Variants in WDR62 observed in about 807,000 individuals in gnomAD.
The protein encoded by WDR62 is WD repeat domain 62, also known as WD repeat-containing protein 62.
WDR62 carries 112 observed loss-of-function variants against 160.6 expected under a neutral mutation model. The observed-to-expected ratio is 0.70, with a 90% CI of 0.60 to 0.82. The LOEUF (loss-of-function observed/expected upper bound fraction) is 0.82, where lower values mean the gene tolerates loss of function less well. Ranked by LOEUF, WDR62 falls within the 40% of genes least tolerant of loss-of-function variation. WDR62 has a pLI of 0.00. For missense variants in WDR62, 1,819 were observed against 1,983.8 expected (o/e 0.92, Z 1.58); for synonymous variants, 792 against 815.1 (o/e 0.97, Z 0.48).
chr19:36,068,907 G>A (rs1300984007), intron 7 of WDR62, among the ~76,000 whole-genome samples: 1 of 152,118 alleles, frequency 6.6e-6, no homozygotes, highest in Admixed American at 6.5e-5. Flanking sequence ...GGGCAGAGGG[G>A]CTCCTCACTT....
chr19:36,062,949 G>C (rs1457143145), intron 3 of WDR62, among the ~76,000 whole-genome samples: 2 of 147,178 alleles, frequency 1.4e-5, no homozygotes, highest in African/African-American at 5.2e-5. Context: ...TCAGGATCTT[G>C]ACATTTTTTT....
chr19:36,099,862 G>A (rs887202159), intron 22 of WDR62, among the ~76,000 whole-genome samples: 1 of 152,194 alleles, frequency 6.6e-6, no homozygotes, highest in African/African-American at 2.4e-5. Context: ...CCCAAGTGGG[G>A]GACATTTGGG....
intron 1 of WDR62, among the ~76,000 whole-genome samples, chr19:36,056,260 T>C (rs1240791214): frequency 6.6e-6 from 1 of 152,186 alleles, no homozygotes; most frequent in Admixed American, 6.6e-5. Flanking sequence ...AAAGGGAGGA[T>C]ACCTGGTAGC....
intron 7 of WDR62, 57 bp from the exon 8 acceptor site, chr19:36,071,499 C>CAG (rs1971296063): frequency 6.2e-7 from 1 of 1,610,400 alleles, no homozygotes; most frequent in Non-Finnish European, 8.5e-7. Context: ...GTCCCCATAT[C>CAG]CCCGGGCCAG....
chr19:36,085,414 C>CTTTTTTTTTTTTTT (rs35753706), intron 12 of WDR62, among the ~76,000 whole-genome samples: 2,634 of 70,160 alleles, frequency 0.038, 531 homozygotes, highest in East Asian at 0.065. Flanking sequence ...CACACCTGAC[C>CTTTTTTTTTTTTTT]TTTTTTTTTT....
At chr19:36,078,728 TGGG>T (rs1362913834) in intron 9 of WDR62, among the ~76,000 whole-genome samples, 1 of 146,280 alleles carries the variant, frequency 6.8e-6, no homozygotes, top group African/African-American at 2.6e-5. Context: ...CCCAGCTACT[TGGG>T]GGGCTGAGGC....
chr19:36,058,393 C>T (rs1970472295), intron 1 of WDR62, among the ~76,000 whole-genome samples: 1 of 152,170 alleles, frequency 6.6e-6, no homozygotes, highest in Non-Finnish European at 1.5e-5. Context: ...ATTCACAGGT[C>T]ACCTTCTCAC....
chr19:36,083,321 C>T (rs2145720954), intron 11 of WDR62, 80 bp downstream of exon 11: 1 of 1,379,450 alleles, frequency 7.2e-7, no homozygotes, highest in East Asian at 2.5e-5. Context: ...GAAGCCCTGG[C>T]CTTGGCACCT....
Position 36,104,996 on chromosome 19 carries a change from C to A in WDR62, c.4540C>A (p.Gln1514Lys). The A allele has an allele frequency of 1.9e-6, 3 of 1,601,904 alleles. No homozygotes were observed. Among genetic ancestry groups the A allele is most frequent in the Non-Finnish European group, 2.5e-6 (3 of 1,177,432 alleles). ...GGAACACTACTCGGAGCTGCTGGTG[C>A]AGGCCGTGCGGAGGAAGGCACGGGG... Reference protein sequence around the residue: ...LLEHYSELLVQAVRRKARGH With the variant: ...LLEHYSELLVKAVRRKARGH Residue 1514 changes from glutamine (Q) to lysine (K), a missense_variant, in exon 32 of 32, where the codon CAG (glutamine) becomes AAG (lysine). Around this residue, in one of 3 missense-constraint regions of WDR62, gnomAD observed 770 missense variants for 734.2 expected, o/e 1.05. Transcript: ENST00000401500.
chr19:36,059,141 C>T (rs1970517129), intron 2 of WDR62: 14 of 599,752 alleles, frequency 2.3e-5, no homozygotes, highest in East Asian at 7.5e-5. Context: ...TTAAAGTCCA[C>T]GCTGTGGTGT....
intron 5 of WDR62, 71 bp downstream of exon 5, chr19:36,066,498 G>C: frequency 6.6e-7 from 1 of 1,523,838 alleles, no homozygotes; most frequent in South Asian, 1.2e-5. Context: ...GGCACAGGGA[G>C]AGCTACATGA....
rs749472433 is a variant in WDR62 at position 36,066,015 on chromosome 19, G to A, written c.390G>A (p.Glu130=). Residue 130 remains glutamate, a splice_region_variant and synonymous_variant, in exon 4 of 32, where the codon GAG becomes GAA. Transcript: ENST00000401500. ...SPDGKYIVTG[E]NGHRPAVRIW... ...ATGGGAAGTACATAGTGACAGGGGA[G>A]GTGAGTCGTGATCGTGACTGAGTGG... 5.6e-6 allele frequency: 9 copies of A among 1,614,016 alleles called. No individual in the cohort carries two copies. In the South Asian group the frequency reaches 8.8e-5, roughly 16 times the overall value.
At chr19:36,060,461 G>C (rs1456857808) in intron 3 of WDR62, 5 of 210,258 alleles carry the variant, frequency 2.4e-5, no homozygotes, top group Non-Finnish European at 3.9e-5. Flanking sequence ...GGCACAGGAA[G>C]GGCAAAGGCC....
intron 10 of WDR62, 103 bp downstream of exon 10, chr19:36,081,673 T>G: frequency 2.0e-6 from 3 of 1,522,968 alleles, no homozygotes; most frequent in South Asian, 1.1e-5. Flanking sequence ...AGATGTTAGG[T>G]TCCATGAGGG....
At chr19:36,081,653 G>A in intron 10 of WDR62, 83 bp downstream of exon 10, 1 of 1,594,148 alleles carries the variant, frequency 6.3e-7, no homozygotes, top group Non-Finnish European at 8.6e-7. Flanking sequence ...GAGAGAGTCT[G>A]ATGGACCCTA....
chr19:36,054,915 G>A lies in WDR62; in HGVS notation c.-57G>A, dbSNP rs1970259944. On this transcript the variant is annotated 5_prime_UTR_variant, in exon 1 of 32. Transcript: ENST00000401500. ...GCTGTTCGCTGTTCCAGTGGGTCGT[G>A]GCGGTGGCGGCAGCGGCGGTTAGGG... 6 of 1,543,000 alleles carry A rather than the reference G, an allele frequency of 3.9e-6. No individual in the cohort carries two copies. The highest frequency in any genetic ancestry group is 1.2e-5 in the South Asian group (1 of 84,694).
chr19:36,099,554 G>A lies in WDR62; in HGVS notation c.2676G>A (p.Glu892=), dbSNP rs1973197926. The change falls in exon 22 of 32, where the codon GAG becomes GAA. Residue 892 remains glutamate, a synonymous_variant. Transcript: ENST00000401500. ...GCTACTTTACCCCCATGAAGCCCGA[G>A]AGTCTGGAGAACTCCATTCTGGATT... is the stretch of plus-strand genomic sequence containing the variant. The part of the protein sequence containing the change: ...LDCYFTPMKP[E]SLENSILDSL... 1 of 1,614,212 alleles carries A rather than the reference G, an allele frequency of 6.2e-7. No homozygotes were observed. The highest frequency in any genetic ancestry group is 8.5e-7 in the Non-Finnish European group (1 of 1,180,036).
chr19:36,058,842 C>T lies in WDR62; in HGVS notation c.240C>T (p.Pro80=), dbSNP rs1226772905. 4 of 1,613,998 alleles carry T rather than the reference C, an allele frequency of 2.5e-6. No homozygotes were observed. Among genetic ancestry groups the T allele is most frequent in the Non-Finnish European group, 2.5e-6 (3 of 1,179,946 alleles). ...AQNSSGLTCD[P]GTGHVAYLAG... ...ACAGCAGTGGCCTAACCTGTGACCC[C>T]GGCACAGGCCATGTGGCCTACCTGG... is the stretch of plus-strand genomic sequence containing the variant. Residue 80 remains proline, a synonymous_variant, in exon 2 of 32, where the codon CCC becomes CCT. Coordinates refer to ENST00000401500, the MANE Select transcript of WDR62 (RefSeq NM_001083961.2).
rs2074435 is a variant in WDR62, at chr19:36,103,757, A to T, written c.3929A>T (p.Gln1310Leu). The T allele has an allele frequency of 0.63, 1,009,757 of 1,610,952 alleles. 319,407 individuals are homozygous for T. Among genetic ancestry groups the T allele is most frequent in the East Asian group, 0.8 (35,813 of 44,856 alleles). Residue 1310 changes from glutamine to leucine, a missense_variant, in exon 30 of 32, where the codon CAG (glutamine) becomes CTG (leucine). By Grantham distance (113) the Gln-to-Leu change is moderately radical. Around this residue, in one of 3 missense-constraint regions of WDR62, gnomAD observed 770 missense variants for 734.2 expected, o/e 1.05. Coordinates refer to ENST00000401500, the MANE Select transcript of WDR62 (RefSeq NM_001083961.2). ...TCAAGTGCCTGTGATGGGCTCCTGC[A>T]GCCCCCCGTGGATACCCAGCCTGGC... ...TLSSACDGLL[Q>L]PPVDTQPGVT...
Sources: gnomAD v4.1 joint callset for allele counts (sites outside exome capture counted in the v4.1 genomes callset) on GRCh38, gnomAD v4.1.1 for gene constraint, gnomAD v4.1.1 regional missense constraint, MANE v1.5 for transcripts, NCBI Gene and HGNC (gene_info 2026-07-23, HGNC 2026-07-21) for gene names.